ADGRD1: variants seen among roughly 807,000 people sequenced by gnomAD.
The protein encoded by ADGRD1 is adhesion G protein-coupled receptor D1.
In ADGRD1, 77 loss-of-function variants were observed where a neutral mutation model predicts 113.4. The ratio of observed to expected loss-of-function variants is 0.68; its 90% CI spans 0.57 to 0.82. The LOEUF is 0.82. Among genes scored for constraint, ADGRD1 ranks in the 40% least tolerant of loss-of-function variants. The probability of loss-of-function intolerance (pLI) is 0.00; values close to 1 mark genes in which losing one functional copy is unlikely to be tolerated. For missense variants in ADGRD1, 1,036 were observed against 1,139.1 expected (o/e 0.91, Z 1.30); for synonymous variants, 474 against 475.0 (o/e 1.00, Z 0.03).
At chr12:131,028,801 C>T (rs1213197421) in intron 13 of ADGRD1, among the ~76,000 whole-genome samples, 7 of 152,222 alleles carry the variant, frequency 4.6e-5, no homozygotes, top group Admixed American at 2.0e-4. Context: ...CATGCCGGTA[C>T]GATTGCAACT....
intron 4 of ADGRD1, among the ~76,000 whole-genome samples, chr12:130,972,322 A>G (rs1871766829): frequency 6.6e-6 from 1 of 152,188 alleles, no homozygotes; most frequent in South Asian, 2.1e-4. Flanking sequence ...CTAGGGAGGA[A>G]CAAAGCTTAA....
chr12:130,956,706 T>C (rs1206982463), intron 2 of ADGRD1: 2 of 152,252 alleles, frequency 1.3e-5, no homozygotes, highest in East Asian at 3.9e-4. Context: ...TGCTCAGTGT[T>C]GGAGAAAAGC....
Position 131,057,788 on chromosome 12 carries a change from C to A in ADGRD1, c.1474-19013C>A, listed in dbSNP as rs945831731. Among the ~76,000 whole-genome samples the A allele has an allele frequency of 6.6e-6, 1 of 152,074 alleles. No individual in the cohort carries two copies. Among genetic ancestry groups the A allele is most frequent in the African/African-American group, 2.4e-5 (1 of 41,404 alleles). ...GGAGACATGAATTTTGTGGGGAAAC[C>A]GTTCAACCCACAACACAGGTGGAGC... On this transcript the variant is annotated intron_variant, in intron 13 of 24. Transcript: ENST00000261654. This position sits in a 1 kb window ranked among gnomAD's most constrained non-coding sequence, Gnocchi z 4.2.
rs573574316 is a variant in ADGRD1, at chr12:131,003,958, G to A, written c.1145-228G>A. On this transcript the variant is annotated intron_variant, in intron 10 of 24. Transcript: ENST00000261654. This position sits in a 1 kb window ranked among gnomAD's most constrained non-coding sequence, Gnocchi z 4.8. ...GGGCGCCCCAGGTGAGGAGCCGCGC[G>A]CCCGTGGGCCGGAATGCTGAGCCTC... Among the ~76,000 whole-genome samples, 34 of 151,934 alleles carry A rather than the reference G, an allele frequency of 2.2e-4. No individual in the cohort carries two copies. Among genetic ancestry groups the A allele is most frequent in the African/African-American group, 7.2e-4 (30 of 41,454 alleles).
chr12:130,966,747 G>C lies in ADGRD1; in HGVS notation c.187+201G>C, dbSNP rs201906248. 4 of 573,928 alleles carry C rather than the reference G, an allele frequency of 7.0e-6. No homozygotes were observed. The East Asian group carries it at 1.2e-4, about 17-fold the overall frequency. 35.6% of individuals were successfully genotyped at this position (573,928 alleles called of 1,614,324 possible). On this transcript the variant is annotated intron_variant, in intron 3 of 24. Transcript: ENST00000261654. This position sits in a 1 kb window ranked among gnomAD's most constrained non-coding sequence, Gnocchi z 4.6. ...TCTGCTTTGAAGCCACGGTGATAGA[G>C]ATGAACAAATACTTGTGTAACTTCC...
At position 130,966,317 on chromosome 12, in the gene ADGRD1, G is replaced by T; in HGVS notation, c.104-146G>T. 2 of 574,696 alleles carry T rather than the reference G, an allele frequency of 3.5e-6. No homozygotes were observed. The highest frequency in any genetic ancestry group is 6.2e-6 in the Non-Finnish European group (2 of 321,076). The allele number at this position is 574,696 out of a possible 1,614,324, so 35.6% of individuals were successfully genotyped here. A position where few individuals can be genotyped will look rare whatever the true frequency, so the allele number is the denominator to read the frequency against. On this transcript the variant is annotated intron_variant, in intron 2 of 24. Coordinates refer to ENST00000261654, the MANE Select transcript of ADGRD1 (RefSeq NM_198827.5). This position sits in a 1 kb window ranked among gnomAD's most constrained non-coding sequence, Gnocchi z 4.6. ...CTTTTTCTAACCAAGAGTGTGTGTT[G>T]AATTTTATTAAATATGCTTTCAGTA...
At chr12:131,009,376 C>G (rs1033420248) in intron 12 of ADGRD1, among the ~76,000 whole-genome samples, 12 of 152,338 alleles carry the variant, frequency 7.9e-5, no homozygotes, top group Admixed American at 3.3e-4. Flanking sequence ...AGGTTCGTGC[C>G]TGAGCTAATG....
chr12:131,005,947 G>C, intron 11 of ADGRD1, 25 bp from the exon 12 acceptor site: 1 of 1,597,404 alleles, frequency 6.3e-7, no homozygotes, highest in South Asian at 1.1e-5. Flanking sequence ...CGCTGACAGC[G>C]CCTGCCCCTC....
rs752481638 is a variant in ADGRD1 at position 131,004,347 on chromosome 12, T to C, written c.1255+51T>C. ...TTCCGGGGCGGCTCCCTCAAGTCTT[T>C]CTGAAGAGTCCCCAAGCTTTGCTGG... On this transcript the variant is annotated intron_variant, in intron 11 of 24. Coordinates refer to ENST00000261654, the MANE Select transcript of ADGRD1 (RefSeq NM_198827.5). 7.1e-5 allele frequency: 94 copies of C among 1,315,468 alleles called. 1 individual carries two copies. In the Admixed American group the frequency reaches 1.6e-3, roughly 22 times the overall value. The allele number at this position is 1,315,468 out of a possible 1,614,324, so 81.5% of individuals were successfully genotyped here. A position where few individuals can be genotyped will look rare whatever the true frequency, so the allele number is the denominator to read the frequency against.
rs1876797021 is a variant in ADGRD1 at position 131,004,247 on chromosome 12, C to T, written c.1206C>T (p.Ala402=). 17 of 1,614,054 alleles carry T rather than the reference C, an allele frequency of 1.1e-5. No individual in the cohort carries two copies. The highest frequency in any genetic ancestry group is 1.4e-5 in the Non-Finnish European group (17 of 1,180,000). ...ATTCCTCCCATTACCGCTTCCCGGC[C>T]CACGGGCAGAGCTTCATCCAGATCC... ...TVNSSHYRFP[A]HGQSFIQIPH... The change falls in exon 11 of 25, where the codon GCC becomes GCT. Residue 402 remains alanine, a synonymous_variant. Coordinates refer to ENST00000261654, the MANE Select transcript of ADGRD1 (RefSeq NM_198827.5).
chr12:131,071,875 G>A (rs1024270842), intron 13 of ADGRD1, among the ~76,000 whole-genome samples: 5 of 151,104 alleles, frequency 3.3e-5, no homozygotes, highest in African/African-American at 1.2e-4. Flanking sequence ...CAGGGTTCTC[G>A]GAGACATCGC....
chr12:130,999,831 A>G (rs893795189), intron 8 of ADGRD1, among the ~76,000 whole-genome samples: 1 of 152,208 alleles, frequency 6.6e-6, no homozygotes, highest in African/African-American at 2.4e-5. Context: ...TCACGTTTTC[A>G]TTTAAGTCTC....
intron 5 of ADGRD1, chr12:130,986,808 C>A: frequency 2.6e-6 from 1 of 389,844 alleles, no homozygotes; most frequent in Non-Finnish European, 4.7e-6. Context: ...ATTTTAATCA[C>A]ACTTGCTTGT....
chr12:130,982,153 G>A (rs1292492682), intron 5 of ADGRD1, 90 bp downstream of exon 5: 12 of 1,143,092 alleles, frequency 1.0e-5, no homozygotes, highest in Non-Finnish European at 1.4e-5. Flanking sequence ...CGCAGCCCAA[G>A]GAGCCCAGGG....
intron 18 of ADGRD1, among the ~76,000 whole-genome samples, chr12:131,110,412 T>C (rs926894006): frequency 1.3e-5 from 2 of 152,176 alleles, no homozygotes; most frequent in Non-Finnish European, 2.9e-5. Flanking sequence ...ATATACATCT[T>C]AGCATATTAG....
chr12:131,012,750 G>T (rs1878087976), intron 12 of ADGRD1, among the ~76,000 whole-genome samples: 1 of 152,166 alleles, frequency 6.6e-6, no homozygotes, highest in South Asian at 2.1e-4. Context: ...CCAGCTCCCA[G>T]AGCCCTGTGG....
At chr12:131,012,387 C>A (rs1432766721) in intron 12 of ADGRD1, among the ~76,000 whole-genome samples, 1 of 151,876 alleles carries the variant, frequency 6.6e-6, no homozygotes, top group African/African-American at 2.4e-5. Flanking sequence ...GCAGTCGCGT[C>A]TGTTGTTACT....
chr12:131,088,545 G>T (rs1291323443), intron 15 of ADGRD1, among the ~76,000 whole-genome samples: 1 of 152,188 alleles, frequency 6.6e-6, no homozygotes, highest in Non-Finnish European at 1.5e-5. Context: ...TCCCGGCCCT[G>T]AGCAAGGACA....
At chr12:131,019,028 C>G (rs1878981827) in intron 13 of ADGRD1, among the ~76,000 whole-genome samples, 1 of 152,232 alleles carries the variant, frequency 6.6e-6, no homozygotes, top group African/African-American at 2.4e-5. Context: ...GTGGCCCAGC[C>G]TGTGCCCGGG....
Sources: allele counts gnomAD v4.1 joint callset (sites outside exome capture counted in the v4.1 genomes callset), GRCh38; gene constraint gnomAD v4.1.1; non-coding constraint Gnocchi (gnomAD v3.1); transcripts MANE v1.5; gene names NCBI Gene and HGNC (gene_info 2026-07-23, HGNC 2026-07-21).